Variants in ZNF618 observed in about 807,000 individuals in gnomAD.
ZNF618 encodes the protein zinc finger protein 618.
Under a neutral mutation model 103.0 loss-of-function variants are expected in ZNF618, and 34 were observed. The ratio of observed to expected loss-of-function variants is 0.33; its 90% confidence interval spans 0.25 to 0.44. ZNF618 has a LOEUF of 0.44. ZNF618 is among the 20% of genes least tolerant of loss of function. The probability of loss-of-function intolerance (pLI) is 1.00; values close to 1 mark genes in which losing one functional copy is unlikely to be tolerated. For missense variants in ZNF618, 1,059 were observed against 1,295.4 expected, an observed-to-expected ratio of 0.82 and a Z score of 2.80; for synonymous variants, 551 against 542.2, an observed-to-expected ratio of 1.02 and a Z score of -0.23.
chr9:114,023,193 C>T (rs1843214886), intron 10 of ZNF618, among the ~76,000 whole-genome samples: 1 of 151,820 alleles, frequency 6.6e-6, no homozygotes, highest in African/African-American at 2.4e-5. Context: ...CCCATTTGTT[C>T]TTGTTCATCT....
chr9:114,046,157 A>G (rs1282159764), intron 13 of ZNF618, among the ~76,000 whole-genome samples: 2 of 152,106 alleles, frequency 1.3e-5, no homozygotes, highest in African/African-American at 4.8e-5. Context: ...CAATCATGTC[A>G]TCTGCAGTTA....
chr9:113,886,176 C>G (rs887215466), intron 1 of ZNF618, among the ~76,000 whole-genome samples: 4 of 152,176 alleles, frequency 2.6e-5, no homozygotes, highest in Admixed American at 2.0e-4. Flanking sequence ...GCTGGTAGCA[C>G]TCAAAGTCAA....
chr9:114,002,743 C>A, intron 6 of ZNF618, 81 bp downstream of exon 6: 1 of 1,503,460 alleles, frequency 6.7e-7, no homozygotes. Context: ...GTCCCCTCCC[C>A]CAGAACTGCT....
At chr9:113,898,772 C>T (rs758433036) in intron 1 of ZNF618, among the ~76,000 whole-genome samples, 7 of 152,262 alleles carry the variant, frequency 4.6e-5, no homozygotes, top group South Asian at 2.1e-4. Context: ...TGCAGCAGCC[C>T]GGGGTTAATG....
intron 9 of ZNF618, among the ~76,000 whole-genome samples, chr9:114,012,812 T>C (rs1321953073): frequency 6.6e-6 from 1 of 152,208 alleles, no homozygotes; most frequent in Admixed American, 6.5e-5. Context: ...AGATAATTGA[T>C]GTTATAGTAC....
At chr9:113,891,386 T>C (rs893771083) in intron 1 of ZNF618, among the ~76,000 whole-genome samples, 12 of 152,300 alleles carry the variant, frequency 7.9e-5, no homozygotes, top group African/African-American at 2.9e-4. Context: ...CCAGTAAGCA[T>C]ATGAAGAGAT....
chr9:113,976,265 G>GC (rs1838459155), intron 2 of ZNF618, among the ~76,000 whole-genome samples: 1 of 152,174 alleles, frequency 6.6e-6, no homozygotes, highest in Non-Finnish European at 1.5e-5. Flanking sequence ...ATCAGCACAT[G>GC]CCCCCCACAT....
intron 1 of ZNF618, among the ~76,000 whole-genome samples, chr9:113,910,047 T>TGCTGGGG (rs1193303562): frequency 2.0e-5 from 3 of 152,170 alleles, no homozygotes; most frequent in Non-Finnish European, 2.9e-5. Context: ...CCTCCTGAAG[T>TGCTGGGG]GCTGGGATTA....
intron 1 of ZNF618, among the ~76,000 whole-genome samples, chr9:113,918,136 A>T (rs999231189): frequency 6.6e-6 from 1 of 152,140 alleles, no homozygotes; most frequent in Admixed American, 6.5e-5. Context: ...GTTTTATAGA[A>T]TGCTCCTCCT....
chr9:113,884,354 TTTTCC>T (rs1337171581), intron 1 of ZNF618, among the ~76,000 whole-genome samples: 1 of 152,234 alleles, frequency 6.6e-6, no homozygotes, highest in Non-Finnish European at 1.5e-5. Flanking sequence ...TTGCACCGTA[TTTTCC>T]TTACCTGTAA....
intron 11 of ZNF618, among the ~76,000 whole-genome samples, chr9:114,029,301 T>TG (rs1475355226): frequency 6.6e-6 from 1 of 152,230 alleles, no homozygotes; most frequent in Non-Finnish European, 1.5e-5. Context: ...TTTAAAAAAT[T>TG]TTTTAGTTAA....
At chr9:113,912,320 A>C (rs2131467662) in intron 1 of ZNF618, among the ~76,000 whole-genome samples, 1 of 152,272 alleles carries the variant, frequency 6.6e-6, no homozygotes, top group African/African-American at 2.4e-5. Context: ...AAATTTGATT[A>C]GGATGGGATT....
chr9:114,025,811 A>T (rs1843450103), intron 10 of ZNF618, among the ~76,000 whole-genome samples: 1 of 152,136 alleles, frequency 6.6e-6, no homozygotes, highest in Non-Finnish European at 1.5e-5. Context: ...CCCATCTTTG[A>T]TGTGCTCTTC....
chr9:114,055,672 GTCTC>G lies in ZNF618; in HGVS notation c.*5511_*5514del, dbSNP rs1294288237. ...CAATACCATAGACACATCTGACTGT[GTCTC>G]TCTCTTTGAGTGCAAGAAACTCAAG... is the stretch of plus-strand genomic sequence containing the variant. On this transcript the variant is annotated 3_prime_UTR_variant, in exon 15 of 15. Coordinates refer to ENST00000374126, the MANE Select transcript of ZNF618 (RefSeq NM_001318042.2). 3 of 143,018 alleles carry G rather than the reference GTCTC, an allele frequency of 2.1e-5. No individual in the cohort carries two copies. The highest frequency in any genetic ancestry group is 7.9e-5 in the African/African-American group (3 of 38,066). 8.9% of individuals were successfully genotyped at this position (143,018 alleles called of 1,614,324 possible).
chr9:114,009,193 G>A (rs925279264), intron 9 of ZNF618, among the ~76,000 whole-genome samples: 5 of 152,216 alleles, frequency 3.3e-5, no homozygotes, highest in Non-Finnish European at 7.3e-5. Context: ...GGTGGGGACA[G>A]CAGATCATTG....
At chr9:114,033,839 G>A (rs1844330801) in intron 12 of ZNF618, among the ~76,000 whole-genome samples, 2 of 106,148 alleles carry the variant, frequency 1.9e-5, no homozygotes, top group South Asian at 4.8e-4. Context: ...CCAGGCACTG[G>A]GCTGGGCACT....
intron 1 of ZNF618, among the ~76,000 whole-genome samples, chr9:113,924,689 C>T (rs2131711611): frequency 6.6e-6 from 1 of 151,986 alleles, no homozygotes; most frequent in South Asian, 2.1e-4. Flanking sequence ...AATCACTGCA[C>T]TTGCTGCTTC....
intron 1 of ZNF618, among the ~76,000 whole-genome samples, chr9:113,941,336 G>A (rs1188746747): frequency 6.6e-6 from 1 of 152,062 alleles, no homozygotes; most frequent in Non-Finnish European, 1.5e-5. Flanking sequence ...GTTTTTGGGG[G>A]TTATGTAAGA....
chr9:114,022,674 T>G (rs2134054167), intron 10 of ZNF618, among the ~76,000 whole-genome samples: 1 of 149,376 alleles, frequency 6.7e-6, no homozygotes, highest in East Asian at 2.0e-4. Context: ...TGTTCAAATC[T>G]CTATACTCTT....
Sources: gnomAD v4.1 joint callset for allele counts (sites outside exome capture counted in the v4.1 genomes callset) on GRCh38, gnomAD v4.1.1 for gene constraint, MANE v1.5 for transcripts, NCBI Gene and HGNC (gene_info 2026-07-23, HGNC 2026-07-21) for gene names.